DYNC1H1: variants seen among roughly 807,000 people sequenced by gnomAD.
DYNC1H1 encodes the protein dynein cytoplasmic 1 heavy chain 1, also known as cytoplasmic dynein 1 heavy chain 1.
DYNC1H1 carries 51 observed loss-of-function variants against 527.1 expected under a neutral mutation model. The observed-to-expected ratio is 0.10, with a 90% confidence interval of 0.08 to 0.12. The LOEUF (loss-of-function observed/expected upper bound fraction) is 0.12, where lower values mean the gene tolerates loss of function less well. Ranked by LOEUF, DYNC1H1 falls within the 10% of genes least tolerant of loss-of-function variation. DYNC1H1 has a pLI of 1.00. For missense variants in DYNC1H1, 2,771 were observed against 5,971.8 expected (o/e 0.46, Z 17.66); for synonymous variants, 2,189 against 2,278.8 (o/e 0.96, Z 1.12).
Position 102,044,521 on chromosome 14 carries a change from G to T in DYNC1H1, c.12902+30G>T, listed in dbSNP as rs370629927. ...GCTGCTGCCTGCTGGAATGGAGACAGTTGTGATGTCAGGGCGTCTGGTGTC... is the reference window on the plus strand; with the variant it reads ...GCTGCTGCCTGCTGGAATGGAGACATTTGTGATGTCAGGGCGTCTGGTGTC... On this transcript the variant is annotated intron_variant, in intron 71 of 77. Coordinates refer to ENST00000360184, the MANE Select transcript of DYNC1H1 (RefSeq NM_001376.5). The surrounding 1 kb of genome is among the most constrained non-coding windows in gnomAD (Gnocchi z 7.1). 1 of 1,614,060 alleles carries T rather than the reference G, an allele frequency of 6.2e-7. No individual in the cohort carries two copies. The highest frequency in any genetic ancestry group is 1.3e-5 in the African/African-American group (1 of 74,944).
In DYNC1H1 at chr14:102,026,469, T is replaced by C. The variant is rs554861464; in HGVS notation, c.8638-105T>C. ...ATGTTATAAATGATACCTTTTTTGT[T>C]GCATTTTTAACAGTTTCTTCATGGT... On this transcript the variant is annotated intron_variant, in intron 43 of 77. Transcript: ENST00000360184. 4.9e-5 allele frequency: 62 copies of C among 1,265,430 alleles called. No homozygotes were observed. In the African/African-American group the frequency reaches 8.8e-4, roughly 18 times the overall value. 78.4% of individuals were successfully genotyped at this position (1,265,430 alleles called of 1,614,324 possible). A position where few individuals can be genotyped will look rare whatever the true frequency, so the allele number is the denominator to read the frequency against.
Position 102,042,046 on chromosome 14 carries a change from G to T in DYNC1H1, c.12136G>T (p.Val4046Leu). ...KPNTPVLMCS[V>L]PGYDASGHVE... is the part of the protein sequence containing the mutation. ...CAACACTCCTGTCTTAATGTGCTCT[G>T]TGCCTGGTTATGATGCCAGTGGACA... Residue 4046 changes from valine (V) to leucine (L), a missense_variant, in exon 66 of 78, where the codon GTG becomes TTG. By Grantham distance (32) the Val-to-Leu change is conservative. This residue lies in a region of DYNC1H1 where 195 missense variants were observed against 428.6 expected (regional missense o/e 0.45). Transcript: ENST00000360184. The surrounding 1 kb of genome is among the most constrained non-coding windows in gnomAD (Gnocchi z 5.7). 6.2e-7 allele frequency: 1 copy of T among 1,614,110 alleles called. No individual in the cohort carries two copies. The highest frequency in any genetic ancestry group is 8.5e-7 in the Non-Finnish European group (1 of 1,180,030).
rs1270150920 is a variant in DYNC1H1 at position 102,044,674 on chromosome 14, G to A, written c.12982G>A (p.Glu4328Lys). 5 of 1,613,974 alleles carry A rather than the reference G, an allele frequency of 3.1e-6. No homozygotes were observed. Among genetic ancestry groups the A allele is most frequent in the Non-Finnish European group, 3.4e-6 (4 of 1,180,028 alleles). The change falls in exon 72 of 78, where the codon GAG becomes AAG. Residue 4328 changes from glutamate (E) to lysine (K), a missense_variant. By Grantham distance (56) the Glu-to-Lys change is moderately conservative. This residue lies in a region of DYNC1H1 where 195 missense variants were observed against 428.6 expected (regional missense o/e 0.45). Coordinates refer to ENST00000360184, the MANE Select transcript of DYNC1H1 (RefSeq NM_001376.5). The surrounding 1 kb of genome is among the most constrained non-coding windows in gnomAD (Gnocchi z 7.1). ...PSWLGLPNNAERVLLTTQGVD... is the reference protein window; with the variant it reads ...PSWLGLPNNAKRVLLTTQGVD... The stretch of plus-strand genomic sequence containing the variant: ...CTGGCTGGGCCTGCCCAACAACGCC[G>A]AGAGAGTCCTCCTTACCACACAGGG...
At position 101,964,606 on chromosome 14, in the gene DYNC1H1, CGGCGGCCGTTTCT is replaced by C. The variant is rs769763690; in HGVS notation, c.-84_-72del. 2.5e-5 allele frequency: 38 copies of C among 1,530,718 alleles called. No homozygotes were observed. Among genetic ancestry groups the C allele is most frequent in the Non-Finnish European group, 3.2e-5 (37 of 1,144,408 alleles). The allele number at this position is 1,530,718 out of a possible 1,614,324, so 94.8% of individuals were successfully genotyped here. On this transcript the variant is annotated 5_prime_UTR_variant, in exon 1 of 78. Transcript: ENST00000360184. The surrounding 1 kb of genome is among the most constrained non-coding windows in gnomAD (Gnocchi z 5.5). ...GTGGGCTAGCGGACGGTCCGGCTTCCGGCGGCCGTTTCTGTCTCTTGCTGGCTGTCTCGCTGAG... is the reference window on the plus strand; with the variant it reads ...GTGGGCTAGCGGACGGTCCGGCTTCCGTCTCTTGCTGGCTGTCTCGCTGAG...
intron 10 of DYNC1H1, among the ~76,000 whole-genome samples, chr14:101,990,033 C>A (rs17540832): frequency 0.038 from 5,774 of 152,294 alleles, 150 homozygotes; most frequent in South Asian, 0.062. Flanking sequence ...TCGGCCATGC[C>A]ACATAGCCTA....
In DYNC1H1 at chr14:101,995,200, A is replaced by G. The variant is rs770538736; in HGVS notation, c.3464A>G (p.Gln1155Arg). The change falls in exon 15 of 78, where the codon CAG becomes CGG. Residue 1155 changes from glutamine to arginine, a missense_variant. Physicochemically the swap from Gln to Arg is conservative, Grantham distance 43 (BLOSUM62 1). Coordinates refer to ENST00000360184, the MANE Select transcript of DYNC1H1 (RefSeq NM_001376.5). ...GAACAGTCCCGCCAAGAGTTGGAGCAGCACTCAGTAGACACGGCCAGCACC... is the reference window on the plus strand; with the variant it reads ...GAACAGTCCCGCCAAGAGTTGGAGCGGCACTCAGTAGACACGGCCAGCACC... ...QISKSRQELE[Q>R]HSVDTASTSD... 1 of 1,614,244 alleles carries G rather than the reference A, an allele frequency of 6.2e-7. No individual in the cohort carries two copies. Among genetic ancestry groups the G allele is most frequent in the South Asian group, 1.1e-5 (1 of 91,086 alleles).
intron 43 of DYNC1H1, chr14:102,023,745 AG>A (rs1269783701): frequency 3.9e-5 from 6 of 152,308 alleles, no homozygotes; most frequent in Admixed American, 2.6e-4. Flanking sequence ...GCTACTCAGG[AG>A]TCTGAGAATC....
chr14:102,047,000 G>A (rs761373886), intron 72 of DYNC1H1, among the ~76,000 whole-genome samples: 5 of 152,062 alleles, frequency 3.3e-5, no homozygotes, highest in Non-Finnish European at 7.4e-5. Flanking sequence ...TCACTATGTT[G>A]CCCAGGCTAG....
At chr14:102,003,100 T>C (rs1190893386) in intron 23 of DYNC1H1, 135 bp downstream of exon 23, 1 of 1,175,766 alleles carries the variant, frequency 8.5e-7, no homozygotes, top group South Asian at 1.3e-5. Context: ...ATAATACATA[T>C]AATGATTACC....
chr14:101,994,197 A>C lies in DYNC1H1; in HGVS notation c.3029A>C (p.Tyr1010Ser), dbSNP rs533720836. Residue 1010 changes from tyrosine to serine, a missense_variant, in exon 12 of 78, where the codon TAC becomes TCC. Tyr to Ser is a moderately radical substitution (Grantham distance 144, BLOSUM62 -2). Around this residue, in one of 32 missense-constraint regions of DYNC1H1, gnomAD observed 179 missense variants for 349.4 expected, o/e 0.51. Coordinates refer to ENST00000360184, the MANE Select transcript of DYNC1H1 (RefSeq NM_001376.5). Reference protein sequence around the residue: ...QSQRYQVGVHYELTEEEKFYR... With the variant: ...QSQRYQVGVHSELTEEEKFYR... The stretch of plus-strand genomic sequence containing the variant: ...TTGGTTGGCTAGGTGGGTGTACATT[A>C]CGAATTGACTGAGGAAGAGAAATTC... 1 of 1,614,248 alleles carries C rather than the reference A, an allele frequency of 6.2e-7. No homozygotes were observed. The highest frequency in any genetic ancestry group is 2.2e-5 in the East Asian group (1 of 44,886).
At chr14:101,984,932 CAAAAAAAAA>C (rs773102943) in intron 7 of DYNC1H1, among the ~76,000 whole-genome samples, 5 of 40,158 alleles carry the variant, frequency 1.2e-4, no homozygotes, top group East Asian at 7.6e-4. Flanking sequence ...GGCTCCGTCT[CAAAAAAAAA>C]AAAAAAAAAA....
chr14:102,011,048 AC>A lies in DYNC1H1; in HGVS notation c.6618+97del. 7.5e-7 allele frequency: 1 copy of A among 1,333,048 alleles called. No homozygotes were observed. Among genetic ancestry groups the A allele is most frequent in the Non-Finnish European group, 1.1e-6 (1 of 927,684 alleles). 82.6% of individuals were successfully genotyped at this position (1,333,048 alleles called of 1,614,324 possible). On this transcript the variant is annotated intron_variant, in intron 32 of 77. Transcript: ENST00000360184. This position sits in a 1 kb window ranked among gnomAD's most constrained non-coding sequence, Gnocchi z 5.3. ...CGTGGGCCCTTCGATGAAACTGTCCACAAAGGCTGTGGAGGTGCATAATATG... is the reference window on the plus strand; with the variant it reads ...CGTGGGCCCTTCGATGAAACTGTCCAAAAGGCTGTGGAGGTGCATAATATG...
Position 101,997,304 on chromosome 14 carries a change from A to T in DYNC1H1, c.3804+30A>T. The T allele has an allele frequency of 6.2e-7, 1 of 1,613,360 alleles. No individual in the cohort carries two copies. Among genetic ancestry groups the T allele is most frequent in the Non-Finnish European group, 8.5e-7 (1 of 1,179,840 alleles). ...GTCCCGCCAGGTGGGGACGCAGGAG[A>T]CTCCTCACCCAGCAGTGTGATTTGG... is the stretch of plus-strand genomic sequence containing the variant. On this transcript the variant is annotated intron_variant, in intron 16 of 77. Coordinates refer to ENST00000360184, the MANE Select transcript of DYNC1H1 (RefSeq NM_001376.5). This position sits in a 1 kb window ranked among gnomAD's most constrained non-coding sequence, Gnocchi z 4.8.
intron 1 of DYNC1H1, among the ~76,000 whole-genome samples, chr14:101,970,390 G>T (rs760673077): frequency 6.6e-6 from 1 of 150,458 alleles, no homozygotes; most frequent in Non-Finnish European, 1.5e-5. Context: ...AAACTAAAGC[G>T]GGAAAAAAAG....
chr14:102,009,788 A>ATT lies in DYNC1H1; in HGVS notation c.5978-52_5978-51dup, dbSNP rs201738402. ...TTGTTTTAGAGACATTTTAGAATGC[A>ATT]TTTTGTTTTTTTTTTTTAACATTTC... On this transcript the variant is annotated intron_variant, in intron 29 of 77. Transcript: ENST00000360184. 2.2e-5 allele frequency: 35 copies of ATT among 1,594,948 alleles called. 1 individual carries two copies. In the Admixed American group the frequency reaches 4.2e-4, roughly 19 times the overall value.
chr14:102,022,344 TA>T lies in DYNC1H1; in HGVS notation c.8508-395del, dbSNP rs545135978. Among the ~76,000 whole-genome samples, 930 of 135,938 alleles carry T rather than the reference TA, an allele frequency of 6.8e-3. 17 individuals carry two copies. Among genetic ancestry groups the T allele is most frequent in the East Asian group, 0.041 (187 of 4,590 alleles). The allele number at this position is 135,938 out of a possible 152,430, so 89.2% of individuals were successfully genotyped here. On this transcript the variant is annotated intron_variant, in intron 42 of 77. Coordinates refer to ENST00000360184, the MANE Select transcript of DYNC1H1 (RefSeq NM_001376.5). ...ACCCCATCTCTACTAAAAATACAAT[TA>T]AAAAAAAAAAATTAGCCAGCCTTGG... is the stretch of plus-strand genomic sequence containing the variant.
Position 101,986,891 on chromosome 14 carries a change from G to T in DYNC1H1, c.2538+128G>T. The T allele has an allele frequency of 8.5e-7, 1 of 1,173,994 alleles. No individual in the cohort carries two copies. Among genetic ancestry groups the T allele is most frequent in the Middle Eastern group, 2.7e-4 (1 of 3,716 alleles). 72.7% of individuals were successfully genotyped at this position (1,173,994 alleles called of 1,614,324 possible). On this transcript the variant is annotated intron_variant, in intron 8 of 77. Transcript: ENST00000360184. The surrounding 1 kb of genome is among the most constrained non-coding windows in gnomAD (Gnocchi z 8.7). Reference sequence around the variant, plus strand: ...GATGCAGCATACGGCCATGTGAGCTGCAAGGGAGGAGGACCCTTTGTACTC... The same window carrying T: ...GATGCAGCATACGGCCATGTGAGCTTCAAGGGAGGAGGACCCTTTGTACTC...
chr14:101,972,249 A>G lies in DYNC1H1; in HGVS notation c.257-3463A>G, dbSNP rs188421075. Among the ~76,000 whole-genome samples, 236 of 152,112 alleles carry G rather than the reference A, an allele frequency of 1.6e-3. 1 individual carries two copies. Among genetic ancestry groups the G allele is most frequent in the African/African-American group, 5.5e-3 (227 of 41,524 alleles). Reference sequence around the variant, plus strand: ...AAAAAAGAAAGAAAAGTAGAATGTCAGATTATTATTTGATGGCAGTTTTTG... The same window carrying G: ...AAAAAAGAAAGAAAAGTAGAATGTCGGATTATTATTTGATGGCAGTTTTTG... On this transcript the variant is annotated intron_variant, in intron 1 of 77. Coordinates refer to ENST00000360184, the MANE Select transcript of DYNC1H1 (RefSeq NM_001376.5).
rs1365563528 is a variant in DYNC1H1 at position 102,034,132 on chromosome 14, A to G, written c.10570A>G (p.Met3524Val). Residue 3524 changes from methionine to valine, a missense_variant, in exon 55 of 78, where the codon ATG (methionine) becomes GTG (valine). Transcript: ENST00000360184. ...IAYAGYFDQQ[M>V]RQNLFTTWSH... Reference sequence around the variant, plus strand: ...CTACGCGGGTTACTTTGACCAGCAGATGCGTCAGAACTTGTTCACTACCTG... The same window carrying G: ...CTACGCGGGTTACTTTGACCAGCAGGTGCGTCAGAACTTGTTCACTACCTG... 1 of 1,614,042 alleles carries G rather than the reference A, an allele frequency of 6.2e-7. No individual in the cohort carries two copies. The highest frequency in any genetic ancestry group is 8.5e-7 in the Non-Finnish European group (1 of 1,180,044).
Sources: allele counts gnomAD v4.1 joint callset (sites outside exome capture counted in the v4.1 genomes callset), GRCh38; gene constraint gnomAD v4.1.1; regional missense constraint gnomAD v4.1.1; non-coding constraint Gnocchi (gnomAD v3.1); transcripts MANE v1.5; gene names NCBI Gene and HGNC (gene_info 2026-07-23, HGNC 2026-07-21).